ANK3: variants seen among roughly 807,000 people sequenced by gnomAD.
ANK3 encodes the protein ankyrin-3.
In ANK3, 57 loss-of-function variants were observed where a neutral mutation model predicts 370.9. The observed-to-expected ratio is 0.15, with a 90% CI of 0.12 to 0.19. The LOEUF (loss-of-function observed/expected upper bound fraction) is 0.19. Ranked by LOEUF, ANK3 falls within the 10% of genes least tolerant of loss-of-function variation. ANK3 has a pLI of 1.00. For missense variants in ANK3, 4,439 were observed against 5,302.1 expected (o/e 0.84, Z 5.06); for synonymous variants, 1,929 against 1,946.3 (o/e 0.99, Z 0.23).
At chr10:60,578,861 A>G (rs1477211092) in intron 2 of ANK3, among the ~76,000 whole-genome samples, 1 of 152,226 alleles carries the variant, frequency 6.6e-6, no homozygotes, top group African/African-American at 2.4e-5. Flanking sequence ...GATATTTCCT[A>G]GTATCTTAAA....
At chr10:60,511,944 T>C (rs2076094984) in intron 2 of ANK3, among the ~76,000 whole-genome samples, 1 of 152,048 alleles carries the variant, frequency 6.6e-6, no homozygotes, top group Non-Finnish European at 1.5e-5. Flanking sequence ...GAGTCAAGAT[T>C]GAAATAGCTA....
chr10:60,635,130 A>G (rs1177894896), intron 1 of ANK3, among the ~76,000 whole-genome samples: 1 of 152,206 alleles, frequency 6.6e-6, no homozygotes, highest in Non-Finnish European at 1.5e-5. Context: ...TTAATGATTC[A>G]GGAGTTAAAC....
At chr10:60,218,604 T>C (rs1193981571) in intron 8 of ANK3, among the ~76,000 whole-genome samples, 2 of 152,186 alleles carry the variant, frequency 1.3e-5, no homozygotes, top group African/African-American at 4.8e-5. Flanking sequence ...GAATGTTGAA[T>C]ATTGGCCCTC....
chr10:60,575,761 CT>C (rs1453327463), intron 2 of ANK3, among the ~76,000 whole-genome samples: 1 of 152,118 alleles, frequency 6.6e-6, no homozygotes, highest in Non-Finnish European at 1.5e-5. Context: ...AAAAACATAT[CT>C]TCACTTTATA....
rs2083282980 is a variant in ANK3 at position 60,074,016 on chromosome 10, C to T, written c.6865G>A (p.Glu2289Lys). 1 of 1,613,970 alleles carries T rather than the reference C, an allele frequency of 6.2e-7. No individual in the cohort carries two copies. Among genetic ancestry groups the T allele is most frequent in the South Asian group, 1.1e-5 (1 of 91,068 alleles). ...AFQSGRDPSKELAGLFEHKSA... is the reference protein window; with the variant it reads ...AFQSGRDPSKKLAGLFEHKSA... ...TTATGTTCAAACAGACCTGCCAGTTCTTTGGAAGGATCCCGCCCGGACTGA... is the reference window on the plus strand; with the variant it reads ...TTATGTTCAAACAGACCTGCCAGTTTTTTGGAAGGATCCCGCCCGGACTGA... The change falls in exon 37 of 44, where the codon GAA (glutamate) becomes AAA (lysine). Residue 2289 changes from glutamate (E) to lysine (K), a missense_variant. Coordinates refer to ENST00000280772, the MANE Select transcript of ANK3 (RefSeq NM_020987.5).
chr10:60,652,784 G>A (rs901779966), intron 1 of ANK3, among the ~76,000 whole-genome samples: 2 of 151,376 alleles, frequency 1.3e-5, no homozygotes, highest in South Asian at 2.1e-4. Context: ...GTTAGAAGTC[G>A]AAGCAGAGGC....
intron 2 of ANK3, among the ~76,000 whole-genome samples, chr10:60,459,795 A>G (rs1048099414): frequency 7.9e-5 from 12 of 152,132 alleles, no homozygotes; most frequent in African/African-American, 2.9e-4. Context: ...TACTGTTTTT[A>G]GGAACTTACA....
At chr10:60,052,423 A>AAC (rs1412495728) in intron 42 of ANK3, among the ~76,000 whole-genome samples, 1 of 152,350 alleles carries the variant, frequency 6.6e-6, no homozygotes, top group East Asian at 1.9e-4. Context: ...ATTTGTACCT[A>AAC]ACACATAACT....
rs923431487 is a variant in ANK3 at position 60,696,129 on chromosome 10, T to G, written c.57+37134A>C. 3.3e-5 allele frequency among the ~76,000 whole-genome samples: 5 copies of G among 150,200 alleles called. No individual in the cohort carries two copies. The East Asian group carries it at 9.7e-4, about 29-fold the overall frequency. ...TCAGAGAATACTACAAACACCTCTA[T>G]GCAAATAAACTAGAAAATCTAGAAG... is the stretch of plus-strand genomic sequence containing the variant. On this transcript the variant is annotated intron_variant, in intron 1 of 43. Transcript: ENST00000373827.
Position 60,389,801 on chromosome 10 carries a change from T to C in ANK3, c.-263A>G. 4.8e-6 allele frequency: 6 copies of C among 1,260,736 alleles called. No homozygotes were observed. In the South Asian group the frequency reaches 6.2e-5, roughly 13 times the overall value. 78.1% of individuals were successfully genotyped at this position (1,260,736 alleles called of 1,614,324 possible). ...TGCAGCCATCGTAATGCATTTACCG[T>C]AGTGAAGAAGACAGCTGGGACAGAG... On this transcript the variant is annotated 5_prime_UTR_variant, in exon 1 of 44. Coordinates refer to ENST00000280772, the MANE Select transcript of ANK3 (RefSeq NM_020987.5).
intron 1 of ANK3, among the ~76,000 whole-genome samples, chr10:60,362,372 A>C (rs551578577): frequency 6.6e-6 from 1 of 152,300 alleles, no homozygotes; most frequent in East Asian, 1.9e-4. Flanking sequence ...CTATGAATAG[A>C]TATTTTGTAC....
At chr10:60,348,876 A>C (rs2056277394) in intron 1 of ANK3, among the ~76,000 whole-genome samples, 1 of 152,208 alleles carries the variant, frequency 6.6e-6, no homozygotes, top group Non-Finnish European at 1.5e-5. Context: ...TTGTACATTG[A>C]ATGAAAGGGG....
chr10:60,376,671 C>T (rs1410912204), intron 1 of ANK3, among the ~76,000 whole-genome samples: 1 of 152,176 alleles, frequency 6.6e-6, no homozygotes, highest in Non-Finnish European at 1.5e-5. Flanking sequence ...GGCCATGACC[C>T]AGTCAGCAGT....
chr10:60,043,694 T>G (rs2076492256), intron 42 of ANK3: 1 of 985,310 alleles, frequency 1.0e-6, no homozygotes, highest in Non-Finnish European at 1.2e-6. Flanking sequence ...AGCCTGTGCT[T>G]TTGGAGTGCT....
At chr10:60,308,914 G>C (rs2045772558) in intron 1 of ANK3, among the ~76,000 whole-genome samples, 1 of 152,078 alleles carries the variant, frequency 6.6e-6, no homozygotes. Flanking sequence ...TTCGGGTGCT[G>C]TTTTTCCCAC....
rs1194844091 is a variant in ANK3 at position 60,217,679 on chromosome 10, T to C, written c.898-4169A>G. 2.0e-5 allele frequency among the ~76,000 whole-genome samples: 3 copies of C among 152,218 alleles called. No individual in the cohort carries two copies. In the East Asian group the frequency reaches 5.8e-4, roughly 29 times the overall value. On this transcript the variant is annotated intron_variant, in intron 8 of 43. Coordinates refer to ENST00000280772, the MANE Select transcript of ANK3 (RefSeq NM_020987.5). ...GAGGAGTGTTTTACTTCCAATCATA[T>C]GATCGATTTTCGAACAAGTGCCATG...
chr10:60,279,197 C>A lies in ANK3; in HGVS notation c.217-49G>T, dbSNP rs1205270602. 5.9e-6 allele frequency: 9 copies of A among 1,517,610 alleles called. No individual in the cohort carries two copies. In the Admixed American group the frequency reaches 1.5e-4, roughly 25 times the overall value. The allele number at this position is 1,517,610 out of a possible 1,614,324, so 94.0% of individuals were successfully genotyped here. A position where few individuals can be genotyped will look rare whatever the true frequency, so the allele number is the denominator to read the frequency against. On this transcript the variant is annotated intron_variant, in intron 2 of 43. Transcript: ENST00000280772. Reference sequence around the variant, plus strand: ...TCTACTCAGCAGGTTGAAAATAGAGCAGTAAACAACCGACCAAGAACTCCT... The same window carrying A: ...TCTACTCAGCAGGTTGAAAATAGAGAAGTAAACAACCGACCAAGAACTCCT...
chr10:60,657,385 A>G (rs1323403983), intron 1 of ANK3, among the ~76,000 whole-genome samples: 1 of 152,168 alleles, frequency 6.6e-6, no homozygotes, highest in Non-Finnish European at 1.5e-5. Context: ...CCTGGCCTCA[A>G]GTGATCCTAA....
intron 2 of ANK3, among the ~76,000 whole-genome samples, chr10:60,460,219 G>C (rs1336608749): frequency 6.6e-6 from 1 of 152,048 alleles, no homozygotes; most frequent in African/African-American, 2.4e-5. Context: ...TAATATATAG[G>C]GAATCACTTG....
Sources: gnomAD v4.1 joint callset for allele counts (sites outside exome capture counted in the v4.1 genomes callset) on GRCh38, gnomAD v4.1.1 for gene constraint, MANE v1.5 for transcripts, NCBI Gene and HGNC (gene_info 2026-07-23, HGNC 2026-07-21) for gene names.